DDC: variants seen among roughly 807,000 people sequenced by gnomAD.
DDC encodes the protein aromatic-L-amino-acid decarboxylase.
A neutral mutation model predicts 60.0 loss-of-function variants in DDC; 43 were observed. The ratio of observed to expected loss-of-function variants is 0.72; its 90% CI spans 0.56 to 0.92. The LOEUF (loss-of-function observed/expected upper bound fraction) is 0.92. DDC is among the 40% of genes least tolerant of loss of function. The pLI, the probability that DDC is intolerant of heterozygous loss-of-function variation, is 0.00. For synonymous variants in DDC, 232 were observed against 234.6 expected (o/e 0.99, Z 0.10); for missense variants, 573 against 620.2 (o/e 0.92, Z 0.81).
intron 1 of DDC, among the ~76,000 whole-genome samples, chr7:50,547,075 G>A (rs1380108118): frequency 1.3e-5 from 2 of 152,268 alleles, no homozygotes; most frequent in South Asian, 2.1e-4. Flanking sequence ...TTCACCTCAA[G>A]TGGAAGTATT....
intron 1 of DDC, among the ~76,000 whole-genome samples, chr7:50,544,687 C>A (rs1040824214): frequency 2.0e-5 from 3 of 152,150 alleles, no homozygotes; most frequent in African/African-American, 7.2e-5. Flanking sequence ...AAAACTAATG[C>A]TCTCCTCCCT....
intron 6 of DDC, among the ~76,000 whole-genome samples, chr7:50,512,704 A>G (rs776506104): frequency 2.6e-4 from 40 of 152,182 alleles, no homozygotes; most frequent in Non-Finnish European, 4.1e-4. Flanking sequence ...GGTGGTGGCC[A>G]TTGTTGTACA....
chr7:50,529,133 G>A, intron 5 of DDC, 75 bp downstream of exon 5: 2 of 1,589,020 alleles, frequency 1.3e-6, no homozygotes, highest in Middle Eastern at 2.3e-4. Flanking sequence ...ATGCTGTTTG[G>A]TTTGGTTTGA....
intron 4 of DDC, among the ~76,000 whole-genome samples, chr7:50,530,225 A>G (rs2044160920): frequency 6.6e-6 from 1 of 152,192 alleles, no homozygotes; most frequent in Non-Finnish European, 1.5e-5. Context: ...ACTGCACTCC[A>G]GCCTGGGCGA....
At chr7:50,494,532 T>C (rs1484715154) in intron 9 of DDC, among the ~76,000 whole-genome samples, 1 of 150,180 alleles carries the variant, frequency 6.7e-6, no homozygotes, top group Non-Finnish European at 1.5e-5. Flanking sequence ...AAGAAAAGAT[T>C]TTGAGCCAAG....
At chr7:50,555,737 G>A (rs947747153) in intron 1 of DDC, among the ~76,000 whole-genome samples, 2 of 152,152 alleles carry the variant, frequency 1.3e-5, no homozygotes, top group African/African-American at 4.8e-5. Context: ...AACCTTGTCA[G>A]GACTACTATT....
intron 1 of DDC, among the ~76,000 whole-genome samples, chr7:50,546,275 A>T (rs2044804919): frequency 6.6e-6 from 1 of 152,230 alleles, no homozygotes; most frequent in Admixed American, 6.5e-5. Context: ...GTGACAAGAC[A>T]GATTTTACTC....
chr7:50,463,015 A>G (rs1026741218), intron 14 of DDC, among the ~76,000 whole-genome samples, 198 bp downstream of exon 14: 10 of 152,154 alleles, frequency 6.6e-5, no homozygotes, highest in Non-Finnish European at 5.9e-5. Flanking sequence ...TGATCTGCCC[A>G]CCCTGGCCTC....
intron 6 of DDC, among the ~76,000 whole-genome samples, chr7:50,506,505 A>G (rs2043400385): frequency 6.6e-6 from 1 of 152,174 alleles, no homozygotes; most frequent in Non-Finnish European, 1.5e-5. Flanking sequence ...AATAAAAAAG[A>G]AAAGAAAAGA....
chr7:50,499,545 CA>C (rs773406402), intron 7 of DDC, among the ~76,000 whole-genome samples: 16 of 152,280 alleles, frequency 1.1e-4, no homozygotes, highest in Non-Finnish European at 2.2e-4. Flanking sequence ...TCATGTTACT[CA>C]CCTGCATTTC....
Position 50,462,768 on chromosome 7 carries a change from G to GTTTTTTT in DDC, c.*18+438_*18+444dup, listed in dbSNP as rs11302809. ...ATTAACATGGTTTTCTCTTCTTCTTGTTTTTTTTTTTTTTTTTTTTTGGAC... is the reference window on the plus strand; with the variant it reads ...ATTAACATGGTTTTCTCTTCTTCTTGTTTTTTTTTTTTTTTTTTTTTTTTTTTTGGAC... On this transcript the variant is annotated intron_variant, in intron 14 of 14. Transcript: ENST00000444124. Among the ~76,000 whole-genome samples, 794 of 98,314 alleles carry GTTTTTTT rather than the reference G, an allele frequency of 8.1e-3. 42 individuals are homozygous for GTTTTTTT. The highest frequency in any genetic ancestry group is 0.026 in the African/African-American group (663 of 25,628). 64.5% of individuals were successfully genotyped at this position (98,314 alleles called of 152,430 possible). A position where few individuals can be genotyped will look rare whatever the true frequency, so the allele number is the denominator to read the frequency against.
intron 3 of DDC, 160 bp downstream of exon 3, chr7:50,539,753 ACT>A (rs956063994): frequency 3.1e-6 from 2 of 642,286 alleles, no homozygotes; most frequent in Non-Finnish European, 5.7e-6. Flanking sequence ...TCTCAGAGGC[ACT>A]CTCTCTGGGC....
At position 50,460,030 on chromosome 7, in the gene DDC, G is replaced by C. The variant is rs533989561; in HGVS notation, c.*19-1187C>G. Reference sequence around the variant, plus strand: ...GGGAAGTGAGGATCCCCTCTGCCCGGCCAGCTGCCCCGTCCGGGAAGGAGG... The same window carrying C: ...GGGAAGTGAGGATCCCCTCTGCCCGCCCAGCTGCCCCGTCCGGGAAGGAGG... On this transcript the variant is annotated intron_variant, in intron 14 of 14. Coordinates refer to ENST00000444124, the MANE Select transcript of DDC (RefSeq NM_001082971.2). 3.4e-5 allele frequency among the ~76,000 whole-genome samples: 5 copies of C among 146,092 alleles called. No individual in the cohort carries two copies. The South Asian group carries it at 6.4e-4, about 19-fold the overall frequency.
At chr7:50,472,564 G>T (rs78526626) in intron 11 of DDC, among the ~76,000 whole-genome samples, 6,036 of 152,118 alleles carry the variant, frequency 0.04, 252 homozygotes, top group African/African-American at 0.11. Flanking sequence ...ACCTAGGTCC[G>T]TGGTCCTGTC....
At chr7:50,532,742 G>C (rs1253097215) in intron 4 of DDC, among the ~76,000 whole-genome samples, 1 of 152,210 alleles carries the variant, frequency 6.6e-6, no homozygotes, top group Non-Finnish European at 1.5e-5. Flanking sequence ...ATGAGGGATT[G>C]ATAAGATTTT....
chr7:50,470,498 C>T (rs1222033587), intron 11 of DDC, among the ~76,000 whole-genome samples: 2 of 152,230 alleles, frequency 1.3e-5, no homozygotes, highest in Non-Finnish European at 2.9e-5. Context: ...GGTGAGCAAA[C>T]AGGGAAGACA....
rs553400800 is a variant in DDC, at chr7:50,501,876, C to A, written c.781+2117G>T. On this transcript the variant is annotated intron_variant, in intron 7 of 14. Coordinates refer to ENST00000444124, the MANE Select transcript of DDC (RefSeq NM_001082971.2). ...ATCATCTGAGGTCAGGAGTCTGAGA[C>A]CAGCCTGGCCAATATGGTGAAACCC... is the stretch of plus-strand genomic sequence containing the variant. Among the ~76,000 whole-genome samples the A allele has an allele frequency of 7.9e-5, 12 of 152,236 alleles. No homozygotes were observed. The South Asian group carries it at 2.3e-3, about 29-fold the overall frequency.
chr7:50,510,980 C>CAAAA (rs11309882), intron 6 of DDC, among the ~76,000 whole-genome samples: 4 of 60,920 alleles, frequency 6.6e-5, no homozygotes, highest in Non-Finnish European at 1.1e-4. Flanking sequence ...GACTCTGTCT[C>CAAAA]AAAAAAAAAA....
At chr7:50,515,247 C>A (rs1325615454) in intron 6 of DDC, among the ~76,000 whole-genome samples, 1 of 152,182 alleles carries the variant, frequency 6.6e-6, no homozygotes, top group African/African-American at 2.4e-5. Flanking sequence ...GATTGGGACC[C>A]TATCTTCAGC....
Sources: gnomAD v4.1 joint callset for allele counts (sites outside exome capture counted in the v4.1 genomes callset) on GRCh38, gnomAD v4.1.1 for gene constraint, MANE v1.5 for transcripts, NCBI Gene and HGNC (gene_info 2026-07-23, HGNC 2026-07-21) for gene names.